Variants in TANC2 observed in about 807,000 individuals in gnomAD.
TANC2 encodes tetratricopeptide repeat, ankyrin repeat and coiled-coil containing 2.
TANC2 carries 26 observed loss-of-function variants against 210.5 expected under a neutral mutation model. That is an observed-to-expected ratio of 0.12 (90% CI 0.09 to 0.17). The LOEUF is 0.17. TANC2 is among the 10% of genes least tolerant of loss of function. The probability of loss-of-function intolerance (pLI) is 1.00; values close to 1 mark genes in which losing one functional copy is unlikely to be tolerated. For synonymous variants in TANC2, 931 were observed against 967.1 expected, an observed-to-expected ratio of 0.96 and a Z score of 0.69; for missense variants, 2,129 against 2,608.9, an observed-to-expected ratio of 0.82 and a Z score of 4.01.
At chr17:62,977,998 G>A (rs2032106974) in intron 1 of TANC2, among the ~76,000 whole-genome samples, 1 of 152,056 alleles carries the variant, frequency 6.6e-6, no homozygotes, top group Non-Finnish European at 1.5e-5. Flanking sequence ...ATATATCATG[G>A]CTATCACTTC....
intron 5 of TANC2, among the ~76,000 whole-genome samples, chr17:63,187,314 C>G (rs1048883243): frequency 8.5e-5 from 13 of 152,050 alleles, no homozygotes; most frequent in African/African-American, 2.2e-4. Context: ...GCTTTATTTT[C>G]GTTATTTGTA....
chr17:63,257,073 T>A (rs1385194944), intron 8 of TANC2, among the ~76,000 whole-genome samples: 1 of 116,962 alleles, frequency 8.5e-6, no homozygotes, highest in Non-Finnish European at 1.6e-5. Context: ...GGTTGGTTGG[T>A]ATTTTTTTTT....
At chr17:63,274,219 T>TC (rs550958383) in intron 9 of TANC2, among the ~76,000 whole-genome samples, 68 of 152,134 alleles carry the variant, frequency 4.5e-4, no homozygotes, top group African/African-American at 1.5e-3. Flanking sequence ...AGTCCTTTTT[T>TC]TTTTTCACTC....
At chr17:63,119,244 C>T (rs2038370025) in intron 4 of TANC2, among the ~76,000 whole-genome samples, 1 of 152,160 alleles carries the variant, frequency 6.6e-6, no homozygotes, top group Admixed American at 6.5e-5. Flanking sequence ...TTCTGAAATG[C>T]ACTTTATTTG....
At chr17:63,136,633 T>C (rs2039099220) in intron 4 of TANC2, among the ~76,000 whole-genome samples, 5 of 152,076 alleles carry the variant, frequency 3.3e-5, no homozygotes, top group Non-Finnish European at 1.5e-5. Context: ...AATAAACATA[T>C]AGAAAATGCA....
intron 19 of TANC2, among the ~76,000 whole-genome samples, chr17:63,399,456 G>T (rs1268499451): frequency 6.6e-6 from 1 of 152,224 alleles, no homozygotes; most frequent in East Asian, 1.9e-4. Flanking sequence ...TGCAGTTCCT[G>T]TTGGTCTGTA....
chr17:62,979,854 G>A (rs2032211922), intron 1 of TANC2, among the ~76,000 whole-genome samples: 1 of 152,204 alleles, frequency 6.6e-6, no homozygotes, highest in Non-Finnish European at 1.5e-5. Context: ...CTAGGCTGCA[G>A]TGAGTCGTGT....
intron 9 of TANC2, among the ~76,000 whole-genome samples, chr17:63,280,565 T>C: frequency 6.6e-6 from 1 of 152,126 alleles, no homozygotes; most frequent in Non-Finnish European, 1.5e-5. Context: ...AATTAATTAC[T>C]AAGATATGAT....
chr17:63,340,278 C>T, exon 12 of TANC2: 1 of 1,613,926 alleles, frequency 6.2e-7, no homozygotes, highest in Non-Finnish European at 8.5e-7. Context: ...TGTTCAAGAC[C>T]CCATGGCCTC....
At position 63,340,337 on chromosome 17, in the gene TANC2, A is replaced by C. The variant is rs538041826; in HGVS notation, c.1807+5A>C. On this transcript the variant is annotated splice_donor_5th_base_variant and intron_variant, in intron 12 of 27. Transcript: ENST00000689528. ...CACTAGAAAATCTCCATAAAGGTAC[A>C]GATAAGGCCCAAAGGAGGGGAAAGA... 5 of 1,612,584 alleles carry C rather than the reference A, an allele frequency of 3.1e-6. No homozygotes were observed. In the South Asian group the frequency reaches 5.5e-5, roughly 18 times the overall value.
chr17:63,299,708 A>G (rs1442724995), intron 9 of TANC2, among the ~76,000 whole-genome samples: 1 of 151,958 alleles, frequency 6.6e-6, no homozygotes, highest in African/African-American at 2.4e-5. Context: ...ATCGATTGCA[A>G]ATAGTTTCTC....
chr17:63,115,010 C>T (rs982624968), intron 4 of TANC2, among the ~76,000 whole-genome samples: 2 of 152,116 alleles, frequency 1.3e-5, no homozygotes, highest in Non-Finnish European at 2.9e-5. Flanking sequence ...ACATTTTTTG[C>T]AGAACTTTTC....
chr17:63,099,444 C>A, intron 4 of TANC2, 87 bp downstream of exon 4: 1 of 1,014,882 alleles, frequency 9.9e-7, no homozygotes, highest in Non-Finnish European at 1.3e-6. Flanking sequence ...ATATTTGCAT[C>A]TTTAGGTTTT....
At chr17:63,283,596 A>G (rs997676101) in intron 9 of TANC2, among the ~76,000 whole-genome samples, 1 of 151,972 alleles carries the variant, frequency 6.6e-6, no homozygotes, top group African/African-American at 2.4e-5. Flanking sequence ...AAATTGACTT[A>G]TCAGTATTGA....
intron 8 of TANC2, among the ~76,000 whole-genome samples, chr17:63,257,438 A>G (rs1043193477): frequency 1.3e-5 from 2 of 151,686 alleles, no homozygotes; most frequent in Admixed American, 1.3e-4. Context: ...GCTCACTGCA[A>G]CCCCCACCTC....
intron 2 of TANC2, among the ~76,000 whole-genome samples, chr17:63,023,515 A>G (rs954117494): frequency 3.9e-5 from 6 of 152,134 alleles, no homozygotes; most frequent in African/African-American, 7.2e-5. Context: ...CCTGGCCGAA[A>G]GATTATTCTG....
intron 4 of TANC2, among the ~76,000 whole-genome samples, chr17:63,119,917 G>A (rs2038397646): frequency 6.6e-6 from 1 of 152,046 alleles, no homozygotes. Flanking sequence ...CTACTTGGGA[G>A]GCTGAGGCAG....
chr17:63,270,385 T>C (rs1308147417), intron 9 of TANC2, among the ~76,000 whole-genome samples: 1 of 152,178 alleles, frequency 6.6e-6, no homozygotes, highest in Non-Finnish European at 1.5e-5. Flanking sequence ...TCCACAATGT[T>C]GTACTTTATT....
chr17:63,057,015 C>T (rs1371956179), intron 2 of TANC2, among the ~76,000 whole-genome samples: 2 of 151,614 alleles, frequency 1.3e-5, no homozygotes, highest in African/African-American at 4.9e-5. Flanking sequence ...GACAAGGTCT[C>T]ACTGTGCTCA....
Sources: gnomAD v4.1 joint callset for allele counts (sites outside exome capture counted in the v4.1 genomes callset) on GRCh38, gnomAD v4.1.1 for gene constraint, MANE v1.5 for transcripts, NCBI Gene and HGNC (gene_info 2026-07-23, HGNC 2026-07-21) for gene names.